Variants in DNAAF5 observed in about 807,000 individuals in gnomAD.
DNAAF5 encodes the protein HEAT repeat containing 2.
Under a neutral mutation model 75.8 loss-of-function variants are expected in DNAAF5, and 64 were observed. The observed-to-expected ratio is 0.84, with a 90% CI of 0.69 to 1.04. The LOEUF is 1.04. Ranked by LOEUF, DNAAF5 falls within the 50% of genes least tolerant of loss-of-function variation. The pLI is 0.00. For missense variants in DNAAF5, 1,269 were observed against 1,178.5 expected (o/e 1.08, Z -1.12); for synonymous variants, 657 against 557.2 (o/e 1.18, Z -2.52).
chr7:735,205 C>G (rs927738688), intron 2 of DNAAF5, among the ~76,000 whole-genome samples: 1 of 150,704 alleles, frequency 6.6e-6, no homozygotes, highest in Non-Finnish European at 1.5e-5. Context: ...GGTGTAGCTG[C>G]TCACGGTGTC....
intron 4 of DNAAF5, among the ~76,000 whole-genome samples, chr7:749,772 T>C (rs903466044): frequency 6.6e-6 from 1 of 152,208 alleles, no homozygotes; most frequent in South Asian, 2.1e-4. Flanking sequence ...CCCAGCTCAC[T>C]GCAACCTCCG....
intron 2 of DNAAF5, among the ~76,000 whole-genome samples, chr7:733,485 G>A (rs1429996024): frequency 6.6e-6 from 1 of 151,878 alleles, no homozygotes; most frequent in Non-Finnish European, 1.5e-5. Context: ...GTTTTCTCAT[G>A]TCAGTGGTTT....
chr7:729,630 G>A (rs745607913), intron 1 of DNAAF5, 33 bp from the exon 2 acceptor site: 1 of 1,600,530 alleles, frequency 6.2e-7, no homozygotes, highest in East Asian at 2.3e-5. Flanking sequence ...TGTGGGAGCA[G>A]CTCTGGTAAC....
chr7:781,277 T>G lies in DNAAF5; in HGVS notation c.2431+1133T>G, dbSNP rs545685429. 3.9e-5 allele frequency among the ~76,000 whole-genome samples: 6 copies of G among 152,322 alleles called. No individual in the cohort carries two copies. The South Asian group carries it at 1.2e-3, about 32-fold the overall frequency. On this transcript the variant is annotated intron_variant, in intron 12 of 12. Coordinates refer to ENST00000297440, the MANE Select transcript of DNAAF5 (RefSeq NM_017802.4). ...TTCCCACAAATGAGAATGTGCGGAA[T>G]TTGCCCTTCTGTGCCTGACTTATTT...
chr7:732,292 A>G (rs1562373609), intron 2 of DNAAF5, among the ~76,000 whole-genome samples: 1 of 152,218 alleles, frequency 6.6e-6, no homozygotes. Flanking sequence ...GACACTGACC[A>G]CACCCAGAAC....
At chr7:767,998 G>GC (rs1052771451) in intron 8 of DNAAF5, among the ~76,000 whole-genome samples, 37 of 148,142 alleles carry the variant, frequency 2.5e-4, no homozygotes, top group African/African-American at 8.5e-4. Flanking sequence ...TAGACACGTG[G>GC]CCCGGGCGGA....
chr7:761,565 A>G (rs973712603), intron 6 of DNAAF5, among the ~76,000 whole-genome samples, 188 bp from the exon 7 acceptor site: 1 of 152,242 alleles, frequency 6.6e-6, no homozygotes, highest in Non-Finnish European at 1.5e-5. Context: ...TTATACTAAC[A>G]TCAGATCTCG....
rs560988768 is a variant in DNAAF5, at chr7:765,698, G to C, written c.1783+1724G>C. 7.2e-5 allele frequency among the ~76,000 whole-genome samples: 11 copies of C among 152,240 alleles called. No individual in the cohort carries two copies. In the East Asian group the frequency reaches 2.1e-3, roughly 29 times the overall value. ...CAAGAGCTGGGTATAAAACTGTATG[G>C]GTTTTTTTGTTTTTTGTTTTTTGAG... is the stretch of plus-strand genomic sequence containing the variant. On this transcript the variant is annotated intron_variant, in intron 8 of 12. Coordinates refer to ENST00000297440, the MANE Select transcript of DNAAF5 (RefSeq NM_017802.4).
chr7:730,394 A>G (rs563429754), intron 2 of DNAAF5, among the ~76,000 whole-genome samples: 1 of 152,110 alleles, frequency 6.6e-6, no homozygotes, highest in Admixed American at 6.5e-5. Flanking sequence ...AATGCTACAC[A>G]CTGTGGCCAC....
intron 7 of DNAAF5, among the ~76,000 whole-genome samples, chr7:762,764 C>G (rs866469382): frequency 2.0e-5 from 3 of 152,044 alleles, no homozygotes; most frequent in Admixed American, 6.5e-5. Flanking sequence ...CAGGCGCCCA[C>G]CACCATACCC....
At chr7:734,471 T>C (rs563006374) in intron 2 of DNAAF5, among the ~76,000 whole-genome samples, 9 of 152,240 alleles carry the variant, frequency 5.9e-5, no homozygotes, top group East Asian at 1.9e-4. Flanking sequence ...AAATGATCTT[T>C]CTCATGTGCT....
At chr7:740,675 C>G in intron 2 of DNAAF5, 144 bp from the exon 3 acceptor site, 1 of 1,186,974 alleles carries the variant, frequency 8.4e-7, no homozygotes, top group South Asian at 1.4e-5. Context: ...GGGATGGCAT[C>G]TAGGCGGTGG....
intron 11 of DNAAF5, among the ~76,000 whole-genome samples, chr7:779,005 CAG>C (rs1778851973): frequency 6.6e-6 from 1 of 152,284 alleles, no homozygotes; most frequent in African/African-American, 2.4e-5. Context: ...CCAGCACCCT[CAG>C]GGCCCAGAAC....
intron 11 of DNAAF5, chr7:778,797 G>C: frequency 6.5e-6 from 1 of 152,946 alleles, no homozygotes. Flanking sequence ...TGCAGTGAGG[G>C]CACCTGCCGT....
intron 4 of DNAAF5, among the ~76,000 whole-genome samples, chr7:749,977 G>T (rs778171444): frequency 1.3e-5 from 2 of 152,224 alleles, no homozygotes; most frequent in Non-Finnish European, 2.9e-5. Flanking sequence ...AGGATTACAG[G>T]TGTGAGCCAC....
chr7:728,995 CT>C lies in DNAAF5; in HGVS notation c.596-649del, dbSNP rs398003363. On this transcript the variant is annotated intron_variant, in intron 1 of 12. Transcript: ENST00000297440. ...GATGCCAGAGACCCTTTGGTTCTGACTTTTTTTTTTTTTTTTTTTGAGACAG... is the reference window on the plus strand; with the variant it reads ...GATGCCAGAGACCCTTTGGTTCTGACTTTTTTTTTTTTTTTTTTGAGACAG... Among the ~76,000 whole-genome samples the C allele has an allele frequency of 3.5e-3, 445 of 125,560 alleles. 3 individuals are homozygous for C. Among genetic ancestry groups the C allele is most frequent in the African/African-American group, 0.012 (403 of 32,616 alleles). 82.4% of individuals were successfully genotyped at this position (125,560 alleles called of 152,430 possible).
Position 769,049 on chromosome 7 carries a change from G to T in DNAAF5, c.1784-1422G>T. On this transcript the variant is annotated intron_variant, in intron 8 of 12. Coordinates refer to ENST00000297440, the MANE Select transcript of DNAAF5 (RefSeq NM_017802.4). ...CTCCAAGACACCAGCTGGTCTCACC[G>T]CGAGGCCTGACTTCGAGCCAGAGCA... 2.6e-5 allele frequency: 17 copies of T among 664,854 alleles called. No homozygotes were observed. The South Asian group carries it at 2.7e-4, about 11-fold the overall frequency. The allele number at this position is 664,854 out of a possible 1,614,324, so 41.2% of individuals were successfully genotyped here.
intron 4 of DNAAF5, among the ~76,000 whole-genome samples, chr7:751,465 A>T (rs1309182170): frequency 1.3e-5 from 2 of 150,834 alleles, no homozygotes; most frequent in Non-Finnish European, 1.5e-5. Context: ...GTACCACTGC[A>T]CTCCAGCCTG....
chr7:779,127 C>A (rs75889267), intron 11 of DNAAF5, among the ~76,000 whole-genome samples: 3 of 152,232 alleles, frequency 2.0e-5, no homozygotes, highest in Non-Finnish European at 4.4e-5. Flanking sequence ...TCATGCCTTT[C>A]GTTACATAGG....
Sources: allele counts gnomAD v4.1 joint callset (sites outside exome capture counted in the v4.1 genomes callset), GRCh38; gene constraint gnomAD v4.1.1; transcripts MANE v1.5; gene names NCBI Gene and HGNC (gene_info 2026-07-23, HGNC 2026-07-21).